Variants in PDE3A observed in about 807,000 individuals in gnomAD.
PDE3A encodes cGMP-inhibited 3',5'-cyclic phosphodiesterase 3A.
Under a neutral mutation model 98.3 loss-of-function variants are expected in PDE3A, and 43 were observed. The observed-to-expected ratio is 0.44, with a 90% CI of 0.34 to 0.56. The LOEUF is 0.56. Among genes scored for constraint, PDE3A ranks in the 20% least tolerant of loss-of-function variants. PDE3A has a pLI of 0.01. For missense variants in PDE3A, 1,427 were observed against 1,440.7 expected, an observed-to-expected ratio of 0.99 and a Z score of 0.15; for synonymous variants, 663 against 567.9, an observed-to-expected ratio of 1.17 and a Z score of -2.38.
chr12:20,456,804 A>C (rs1386949516), intron 1 of PDE3A, among the ~76,000 whole-genome samples: 1 of 152,178 alleles, frequency 6.6e-6, no homozygotes, highest in Non-Finnish European at 1.5e-5. Flanking sequence ...ACTGGTAAAA[A>C]GAATTAACGC....
intron 15 of PDE3A, among the ~76,000 whole-genome samples, chr12:20,675,611 G>A (rs976971482): frequency 6.6e-6 from 1 of 152,032 alleles, no homozygotes; most frequent in African/African-American, 2.4e-5. Context: ...CAGCCTTTTG[G>A]CTAAGATCAG....
At chr12:20,398,639 T>C (rs1944065044) in intron 1 of PDE3A, among the ~76,000 whole-genome samples, 1 of 152,096 alleles carries the variant, frequency 6.6e-6, no homozygotes, top group East Asian at 1.9e-4. Flanking sequence ...GCAGGATGAT[T>C]CTGAAATATA....
intron 2 of PDE3A, among the ~76,000 whole-genome samples, chr12:20,606,615 T>A (rs11045327): frequency 0.02 from 3,060 of 151,890 alleles, 90 homozygotes; most frequent in African/African-American, 0.07. Context: ...TCCCAGGACT[T>A]TGGGAGGCTC....
chr12:20,513,418 C>G (rs1946263313), intron 1 of PDE3A, among the ~76,000 whole-genome samples: 1 of 152,068 alleles, frequency 6.6e-6, no homozygotes, highest in Admixed American at 6.6e-5. Context: ...AGAAAATAAA[C>G]TATTTCATGA....
chr12:20,569,703 C>G (rs565337223), intron 2 of PDE3A, among the ~76,000 whole-genome samples: 2 of 152,066 alleles, frequency 1.3e-5, no homozygotes, highest in East Asian at 3.9e-4. Context: ...TAAGAAGATT[C>G]AAGAGGAGAA....
chr12:20,384,581 T>C (rs566129126), intron 1 of PDE3A, among the ~76,000 whole-genome samples: 2 of 152,138 alleles, frequency 1.3e-5, no homozygotes, highest in South Asian at 4.1e-4. Context: ...GCAGGTTTGC[T>C]ATGTAGGTAA....
intron 10 of PDE3A, among the ~76,000 whole-genome samples, chr12:20,645,591 T>G (rs917524198): frequency 6.6e-6 from 1 of 152,130 alleles, no homozygotes; most frequent in Non-Finnish European, 1.5e-5. Context: ...TAAAGCATAC[T>G]AATCAGTGAA....
intron 1 of PDE3A, among the ~76,000 whole-genome samples, chr12:20,429,671 A>G (rs886354373): frequency 6.6e-6 from 1 of 152,204 alleles, no homozygotes; most frequent in African/African-American, 2.4e-5. Flanking sequence ...GCTGCATTCA[A>G]AACATGCTGG....
At chr12:20,646,441 G>A (rs1444367192) in intron 10 of PDE3A, 49 bp from the exon 11 acceptor site, 1 of 1,006,682 alleles carries the variant, frequency 9.9e-7, no homozygotes, top group Non-Finnish European at 1.6e-6. Flanking sequence ...CTTAGTTCTT[G>A]GACCCCAAAG....
intron 1 of PDE3A, among the ~76,000 whole-genome samples, chr12:20,373,204 G>T (rs1943509747): frequency 6.6e-6 from 1 of 151,908 alleles, no homozygotes; most frequent in Non-Finnish European, 1.5e-5. Context: ...CCCAGTGTCC[G>T]CAATACTGAG....
intron 15 of PDE3A, among the ~76,000 whole-genome samples, chr12:20,673,410 T>C (rs1208548287): frequency 4.1e-4 from 60 of 144,882 alleles, no homozygotes; most frequent in South Asian, 9.5e-4. Context: ...CGTATGTTTA[T>C]TGCGGCATTA....
intron 1 of PDE3A, among the ~76,000 whole-genome samples, chr12:20,515,802 G>A (rs933078438): frequency 3.3e-5 from 5 of 149,820 alleles, no homozygotes; most frequent in African/African-American, 9.8e-5. Context: ...GCGGGATCTC[G>A]GCTCACTGCA....
At chr12:20,545,239 C>G (rs1374225147) in intron 1 of PDE3A, among the ~76,000 whole-genome samples, 1 of 151,938 alleles carries the variant, frequency 6.6e-6, no homozygotes, top group Admixed American at 6.6e-5. Flanking sequence ...ATTGTGATAA[C>G]AGGGACAGAT....
intron 2 of PDE3A, among the ~76,000 whole-genome samples, chr12:20,562,179 GT>G (rs376333606): frequency 4.8e-4 from 70 of 146,940 alleles, no homozygotes; most frequent in African/African-American, 1.6e-3. Flanking sequence ...TGAAGGAAAA[GT>G]TTTCCAGTGG....
At position 20,552,181 on chromosome 12, in the gene PDE3A, G is replaced by A. The variant is rs1942227971; in HGVS notation, c.961-4479G>A. 5.6e-6 allele frequency: 9 copies of A among 1,613,842 alleles called. No homozygotes were observed. Among genetic ancestry groups the A allele is most frequent in the Non-Finnish European group, 7.6e-6 (9 of 1,179,904 alleles). ...TCTCAACTGCTTTGCTCCCATCAATGACCAAGAAGGGGCCGAGGCCAAGGA... is the reference window on the plus strand; with the variant it reads ...TCTCAACTGCTTTGCTCCCATCAATAACCAAGAAGGGGCCGAGGCCAAGGA... On this transcript the variant is annotated intron_variant, in intron 1 of 15. Coordinates refer to ENST00000359062, the MANE Select transcript of PDE3A (RefSeq NM_000921.5). The surrounding 1 kb of genome is among the most constrained non-coding windows in gnomAD (Gnocchi z 5.1).
intron 1 of PDE3A, among the ~76,000 whole-genome samples, chr12:20,529,429 C>G (rs1946584012): frequency 6.6e-6 from 1 of 152,054 alleles, no homozygotes; most frequent in South Asian, 2.1e-4. Context: ...TATCCTAAGC[C>G]CTAACACCTC....
intron 6 of PDE3A, among the ~76,000 whole-genome samples, chr12:20,632,474 A>G (rs915920817): frequency 6.6e-6 from 1 of 152,262 alleles, no homozygotes; most frequent in African/African-American, 2.4e-5. Context: ...ACCCTTTGTA[A>G]TATCAGTCAG....
intron 1 of PDE3A, among the ~76,000 whole-genome samples, chr12:20,496,834 G>A (rs1945928821): frequency 6.6e-6 from 1 of 152,064 alleles, no homozygotes; most frequent in South Asian, 2.1e-4. Flanking sequence ...TTAAAATATA[G>A]GACAAATAAA....
intron 15 of PDE3A, among the ~76,000 whole-genome samples, chr12:20,662,867 T>C (rs1437129926): frequency 6.6e-6 from 1 of 152,152 alleles, no homozygotes; most frequent in East Asian, 1.9e-4. Context: ...CAAATGTTAA[T>C]CACCAAGACA....
Sources: allele counts gnomAD v4.1 joint callset (sites outside exome capture counted in the v4.1 genomes callset), GRCh38; gene constraint gnomAD v4.1.1; non-coding constraint Gnocchi (gnomAD v3.1); transcripts MANE v1.5; gene names NCBI Gene and HGNC (gene_info 2026-07-23, HGNC 2026-07-21).